The following ACOXL variants were observed in gnomAD, a reference collection of about 807,000 sequenced individuals.
ACOXL encodes acyl-coenzyme A oxidase-like protein.
ACOXL carries 70 observed loss-of-function variants against 71.9 expected under a neutral mutation model. The observed-to-expected ratio is 0.97, with a 90% confidence interval of 0.80 to 1.19. The LOEUF (loss-of-function observed/expected upper bound fraction) is 1.19. Among genes scored for constraint, ACOXL ranks in the 50% most tolerant of loss-of-function variants. ACOXL has a pLI of 0.00. For missense variants in ACOXL, 703 were observed against 736.3 expected, an observed-to-expected ratio of 0.95 and a Z score of 0.52; for synonymous variants, 253 against 281.6, an observed-to-expected ratio of 0.90 and a Z score of 1.02.
intron 2 of ACOXL, among the ~76,000 whole-genome samples, chr2:110,770,409 A>G (rs1426395508): frequency 6.6e-6 from 1 of 152,190 alleles, no homozygotes; most frequent in African/African-American, 2.4e-5. Context: ...TCAGGAAGGA[A>G]TTACAGGCAG....
chr2:111,034,124 G>A (rs1223272878), intron 15 of ACOXL, among the ~76,000 whole-genome samples: 1 of 152,212 alleles, frequency 6.6e-6, no homozygotes, highest in Non-Finnish European at 1.5e-5. Flanking sequence ...GTGACTGTGA[G>A]TGAGTTACAA....
At chr2:110,857,417 A>C (rs1693392718) in intron 10 of ACOXL, among the ~76,000 whole-genome samples, 1 of 152,122 alleles carries the variant, frequency 6.6e-6, no homozygotes, top group South Asian at 2.1e-4. Context: ...GGTGACTGTG[A>C]TTGGGTTAGT....
intron 9 of ACOXL, among the ~76,000 whole-genome samples, chr2:110,823,500 A>G (rs1162209968): frequency 6.6e-6 from 1 of 152,242 alleles, no homozygotes; most frequent in East Asian, 1.9e-4. Context: ...TTGATGGATT[A>G]TAAGATAAGA....
chr2:111,115,899 T>C (rs901623577), intron 17 of ACOXL, among the ~76,000 whole-genome samples: 6 of 152,212 alleles, frequency 3.9e-5, no homozygotes, highest in Non-Finnish European at 7.3e-5. Context: ...AGTTTATTTT[T>C]TTAAAATTTT....
chr2:110,981,462 G>A (rs7569167), intron 12 of ACOXL, among the ~76,000 whole-genome samples: 22,939 of 152,104 alleles, frequency 0.15, 2,075 homozygotes, highest in East Asian at 0.34. Context: ...ATTGGACCAT[G>A]GGGTGAGCGA....
intron 10 of ACOXL, among the ~76,000 whole-genome samples, chr2:110,857,369 C>T (rs1241625918): frequency 1.3e-5 from 2 of 152,120 alleles, no homozygotes; most frequent in Admixed American, 6.5e-5. Context: ...TAAACCCATC[C>T]GTCCATTCCT....
At chr2:110,940,950 C>T (rs939052567) in intron 12 of ACOXL, among the ~76,000 whole-genome samples, 2 of 152,164 alleles carry the variant, frequency 1.3e-5, no homozygotes, top group African/African-American at 4.8e-5. Context: ...TCCTTTGTTT[C>T]TGAGTTCTAA....
intron 9 of ACOXL, among the ~76,000 whole-genome samples, chr2:110,822,594 A>G (rs191004843): frequency 2.0e-5 from 3 of 152,322 alleles, no homozygotes; most frequent in Admixed American, 2.0e-4. Context: ...GTTGCTTAAT[A>G]CATATGTCAT....
Position 110,741,997 on chromosome 2 carries a change from G to C in ACOXL, c.-23+9223G>C, listed in dbSNP as rs150502182. ...AAGGGATAGAATTCTTCCAGTCCCT[G>C]TCAGACTCTGTGCCCCCTGACTGTG... On this transcript the variant is annotated intron_variant, in intron 1 of 17. Coordinates refer to ENST00000439055, the MANE Select transcript of ACOXL (RefSeq NM_001142807.4). Among the ~76,000 whole-genome samples the C allele has an allele frequency of 2.6e-3, 400 of 152,302 alleles. 1 individual carries two copies. The highest frequency in any genetic ancestry group is 3.5e-3 in the Admixed American group (53 of 15,298).
intron 2 of ACOXL, among the ~76,000 whole-genome samples, chr2:110,783,846 G>A (rs1032363405): frequency 6.6e-6 from 1 of 152,072 alleles, no homozygotes; most frequent in Admixed American, 6.5e-5. Flanking sequence ...CCCACTCAAG[G>A]GCCTATCACC....
intron 2 of ACOXL, among the ~76,000 whole-genome samples, chr2:110,778,250 A>G (rs550032871): frequency 6.6e-6 from 1 of 152,358 alleles, no homozygotes; most frequent in South Asian, 2.1e-4. Flanking sequence ...GACAGACACT[A>G]TAAAAAGATG....
At chr2:111,078,213 G>A (rs973915304) in intron 16 of ACOXL, among the ~76,000 whole-genome samples, 1 of 151,804 alleles carries the variant, frequency 6.6e-6, no homozygotes, top group Non-Finnish European at 1.5e-5. Flanking sequence ...TTTTAATCAG[G>A]TTACTTTTCA....
At position 110,838,790 on chromosome 2, in the gene ACOXL, A is replaced by G. The variant is rs185666917; in HGVS notation, c.754-2581A>G. 2.3e-4 allele frequency among the ~76,000 whole-genome samples: 35 copies of G among 152,306 alleles called. No homozygotes were observed. In the East Asian group the frequency reaches 6.8e-3, roughly 29 times the overall value. ...GCCATGTTTCCAGAATGACTGTGAA[A>G]TACCCTGTTCCCATCCACCCTGGAA... On this transcript the variant is annotated intron_variant, in intron 9 of 17. Transcript: ENST00000439055.
chr2:110,837,597 G>T (rs1160617263), intron 9 of ACOXL, among the ~76,000 whole-genome samples: 1 of 151,944 alleles, frequency 6.6e-6, no homozygotes, highest in Non-Finnish European at 1.5e-5. Flanking sequence ...ATGCAGGAAG[G>T]TCTGCCTGTT....
intron 3 of ACOXL, among the ~76,000 whole-genome samples, chr2:110,787,106 A>T (rs1417834714): frequency 6.6e-6 from 1 of 152,104 alleles, no homozygotes; most frequent in Non-Finnish European, 1.5e-5. Context: ...AGGAAAATGG[A>T]CCATGAGCTG....
At chr2:110,789,752 G>A (rs1369650969) in intron 3 of ACOXL, among the ~76,000 whole-genome samples, 1 of 152,174 alleles carries the variant, frequency 6.6e-6, no homozygotes, top group African/African-American at 2.4e-5. Flanking sequence ...CATTTCTGGA[G>A]TCCCCGTTGT....
chr2:110,864,572 T>C (rs1275553111), intron 10 of ACOXL, among the ~76,000 whole-genome samples: 1 of 152,244 alleles, frequency 6.6e-6, no homozygotes, highest in African/African-American at 2.4e-5. Flanking sequence ...TTCTTGTATG[T>C]TATATCTTAC....
At chr2:110,890,732 A>G (rs1327616923) in intron 10 of ACOXL, among the ~76,000 whole-genome samples, 4 of 152,036 alleles carry the variant, frequency 2.6e-5, no homozygotes, top group Admixed American at 6.6e-5. Flanking sequence ...AAGTTTTCCA[A>G]TTGAGAAGTG....
chr2:110,877,213 G>A (rs574334625), intron 10 of ACOXL, among the ~76,000 whole-genome samples: 5 of 152,330 alleles, frequency 3.3e-5, no homozygotes, highest in East Asian at 3.9e-4. Context: ...TCTTTGAGGC[G>A]GCACGCAGAG....
Sources: gnomAD v4.1 joint callset for allele counts (sites outside exome capture counted in the v4.1 genomes callset) on GRCh38, gnomAD v4.1.1 for gene constraint, MANE v1.5 for transcripts, NCBI Gene and HGNC (gene_info 2026-07-23, HGNC 2026-07-21) for gene names.